The following TTC27 variants were observed in gnomAD, a reference collection of about 807,000 sequenced individuals.
TTC27 encodes tetratricopeptide repeat domain 27, also known as tetratricopeptide repeat protein 27.
Under a neutral mutation model 115.9 loss-of-function variants are expected in TTC27, and 79 were observed. That is an observed-to-expected ratio of 0.68 (90% CI 0.57 to 0.82). The LOEUF is 0.82. Among genes scored for constraint, TTC27 ranks in the 40% least tolerant of loss-of-function variants. TTC27 has a pLI of 0.00. For missense variants in TTC27, 1,054 were observed against 993.1 expected (o/e 1.06, Z -0.82); for synonymous variants, 401 against 356.0 (o/e 1.13, Z -1.42).
rs116425270 is a variant in TTC27 at position 32,738,348 on chromosome 2, G to T, written c.1452+1532G>T. ...TATAGGTTTTTGTAAGATAATATATGTAAAGTACGTACTCTAGTGCTTACC... is the reference window on the plus strand; with the variant it reads ...TATAGGTTTTTGTAAGATAATATATTTAAAGTACGTACTCTAGTGCTTACC... On this transcript the variant is annotated intron_variant, in intron 12 of 19. Transcript: ENST00000317907. Among the ~76,000 whole-genome samples the T allele has an allele frequency of 2.8e-3, 419 of 152,286 alleles. 1 individual carries two copies. Among genetic ancestry groups the T allele is most frequent in the African/African-American group, 9.6e-3 (398 of 41,562 alleles).
At chr2:32,725,812 G>A (rs1215159857) in intron 10 of TTC27, among the ~76,000 whole-genome samples, 2 of 152,178 alleles carry the variant, frequency 1.3e-5, no homozygotes, top group African/African-American at 2.4e-5. Context: ...ATGACAGCCT[G>A]CCCCTGCAGC....
intron 16 of TTC27, among the ~76,000 whole-genome samples, chr2:32,789,541 T>C (rs1189377249): frequency 6.6e-6 from 1 of 152,158 alleles, no homozygotes; most frequent in African/African-American, 2.4e-5. Flanking sequence ...ATGTAGATAG[T>C]TGATTCTGAT....
intron 18 of TTC27, among the ~76,000 whole-genome samples, chr2:32,814,652 AC>A (rs1671437358): frequency 6.6e-6 from 1 of 152,166 alleles, no homozygotes; most frequent in Non-Finnish European, 1.5e-5. Context: ...ATATTGTAAA[AC>A]CATATTTTTA....
intron 16 of TTC27, among the ~76,000 whole-genome samples, chr2:32,803,866 G>A (rs997784343): frequency 1.3e-5 from 2 of 152,066 alleles, no homozygotes; most frequent in South Asian, 2.1e-4. Flanking sequence ...AATTAGCCAG[G>A]TGTGGTGGCA....
chr2:32,790,869 T>C (rs1051017203), intron 16 of TTC27, among the ~76,000 whole-genome samples: 1 of 152,206 alleles, frequency 6.6e-6, no homozygotes, highest in Non-Finnish European at 1.5e-5. Context: ...GGACTCTTTA[T>C]GGTTTTCGCT....
At chr2:32,762,930 G>T (rs185747013) in intron 13 of TTC27, among the ~76,000 whole-genome samples, 1 of 152,178 alleles carries the variant, frequency 6.6e-6, no homozygotes, top group Non-Finnish European at 1.5e-5. Context: ...GTGAGCCACC[G>T]CGCTCAGCCC....
chr2:32,811,109 A>G lies in TTC27; in HGVS notation c.2084A>G (p.Gln695Arg). ...DVATGLKGKL[Q>R]ELFGRVTSRV... The stretch of plus-strand genomic sequence containing the variant: ...GCAACTGGCCTCAAAGGAAAGCTGC[A>G]GGAGTTATTTGGCAGAGTGACTTCA... Residue 695 changes from glutamine to arginine, a missense_variant, in exon 17 of 20, where the codon CAG (glutamine) becomes CGG (arginine). Transcript: ENST00000317907. The G allele has an allele frequency of 1.9e-6, 3 of 1,614,220 alleles. No individual in the cohort carries two copies. The highest frequency in any genetic ancestry group is 2.2e-5 in the East Asian group (1 of 44,882).
At position 32,758,529 on chromosome 2, in the gene TTC27, C is replaced by G; in HGVS notation, c.1680+10C>G. The G allele has an allele frequency of 6.2e-7, 1 of 1,611,180 alleles. No individual in the cohort carries two copies. Among genetic ancestry groups the G allele is most frequent in the African/African-American group, 1.3e-5 (1 of 74,990 alleles). On this transcript the variant is annotated intron_variant, in intron 13 of 19. Transcript: ENST00000317907. ...GATTAATCCCATGCAGGTTAGACAA[C>G]TCATAACCCCCTGCTGCTCTCAGCG...
At chr2:32,669,439 A>G (rs80047469) in intron 7 of TTC27, among the ~76,000 whole-genome samples, 3,715 of 152,324 alleles carry the variant, frequency 0.024, 142 homozygotes, top group African/African-American at 0.086. Context: ...GGTGGAAGAG[A>G]ATTGTTAAGT....
intron 9 of TTC27, among the ~76,000 whole-genome samples, chr2:32,697,193 A>C (rs890562663): frequency 6.6e-6 from 1 of 150,846 alleles, no homozygotes; most frequent in African/African-American, 2.4e-5. Flanking sequence ...CCCTGTCTCA[A>C]AAAAAAAAAA....
chr2:32,780,421 A>G (rs1426979939), intron 14 of TTC27, among the ~76,000 whole-genome samples: 1 of 151,966 alleles, frequency 6.6e-6, no homozygotes, highest in Admixed American at 6.6e-5. Flanking sequence ...ACTATTATAA[A>G]TGGAATTATT....
intron 10 of TTC27, among the ~76,000 whole-genome samples, chr2:32,708,194 G>A (rs936510413): frequency 6.6e-6 from 1 of 151,492 alleles, no homozygotes; most frequent in African/African-American, 2.4e-5. Context: ...CAGCCTACTC[G>A]ATGTTAAGAC....
chr2:32,703,998 G>A (rs1433237667), intron 10 of TTC27, among the ~76,000 whole-genome samples: 1 of 152,160 alleles, frequency 6.6e-6, no homozygotes, highest in Non-Finnish European at 1.5e-5. Context: ...ACAGAAGAGT[G>A]GAAGAGAGTG....
intron 9 of TTC27, among the ~76,000 whole-genome samples, chr2:32,690,145 A>C (rs1393403060): frequency 6.6e-6 from 1 of 152,220 alleles, no homozygotes; most frequent in African/African-American, 2.4e-5. Flanking sequence ...AGAAAAAAAC[A>C]TGGTTTTGTT....
In TTC27 at chr2:32,715,507, G is replaced by A. The variant is rs557669645; in HGVS notation, c.1233+12587G>A. ...GGTACAGTTTGAAGTATGATAATGT[G>A]ATTCCTCCAGCATTAGAACATCTGT... On this transcript the variant is annotated intron_variant, in intron 10 of 19. Transcript: ENST00000317907. 6.6e-5 allele frequency among the ~76,000 whole-genome samples: 10 copies of A among 152,222 alleles called. No individual in the cohort carries two copies. The South Asian group carries it at 2.1e-3, about 32-fold the overall frequency.
intron 13 of TTC27, among the ~76,000 whole-genome samples, chr2:32,776,963 A>G (rs942591510): frequency 6.6e-6 from 1 of 151,886 alleles, no homozygotes; most frequent in Non-Finnish European, 1.5e-5. Flanking sequence ...ATTTTAAGGA[A>G]ATATTATGAT....
At chr2:32,728,035 C>T (rs1668165848) in intron 10 of TTC27, among the ~76,000 whole-genome samples, 3 of 139,942 alleles carry the variant, frequency 2.1e-5, no homozygotes, top group Non-Finnish European at 4.7e-5. Context: ...AGAGGACTGC[C>T]TCTTTTTTTT....
chr2:32,647,060 T>G (rs1365043294), intron 4 of TTC27, among the ~76,000 whole-genome samples: 1 of 151,328 alleles, frequency 6.6e-6, no homozygotes, highest in African/African-American at 2.4e-5. Context: ...GACTATAACC[T>G]TAAACTCCTG....
Position 32,812,501 on chromosome 2 carries a change from C to G in TTC27, c.2197-3C>G. The G allele has an allele frequency of 6.3e-7, 1 of 1,598,548 alleles. No individual in the cohort carries two copies. Among genetic ancestry groups the G allele is most frequent in the South Asian group, 1.1e-5 (1 of 90,290 alleles). On this transcript the variant is annotated splice_polypyrimidine_tract_variant and splice_region_variant and intron_variant, in intron 17 of 19. Coordinates refer to ENST00000317907, the MANE Select transcript of TTC27 (RefSeq NM_017735.5). ...CTGAATGTTGTTCTTTCTCCTTCCT[C>G]AGGCATTCCAGTGCCTCTCAAAGGC...
Sources: gnomAD v4.1 joint callset for allele counts (sites outside exome capture counted in the v4.1 genomes callset) on GRCh38, gnomAD v4.1.1 for gene constraint, MANE v1.5 for transcripts, NCBI Gene and HGNC (gene_info 2026-07-23, HGNC 2026-07-21) for gene names.